SLC24A2: variants seen among roughly 807,000 people sequenced by gnomAD.
SLC24A2 encodes solute carrier family 24 member 2, also known as sodium/potassium/calcium exchanger 2.
Under a neutral mutation model 62.0 loss-of-function variants are expected in SLC24A2, and 36 were observed. The ratio of observed to expected loss-of-function variants is 0.58; its 90% CI spans 0.44 to 0.77. The LOEUF (loss-of-function observed/expected upper bound fraction) is 0.77. Among genes scored for constraint, SLC24A2 ranks in the 30% least tolerant of loss-of-function variants. SLC24A2 has a pLI of 0.00. For synonymous variants in SLC24A2, 358 were observed against 294.0 expected (o/e 1.22, Z -2.23); for missense variants, 846 against 817.9 (o/e 1.03, Z -0.42).
intron 10 of SLC24A2, among the ~76,000 whole-genome samples, chr9:19,517,070 T>G (rs1832967984): frequency 6.6e-6 from 1 of 152,246 alleles, no homozygotes; most frequent in East Asian, 1.9e-4. Flanking sequence ...TTTTTATACC[T>G]GTTTTCTCCC....
At chr9:20,157,012 T>A in the SLC24A2 span, among the ~76,000 whole-genome samples, 3 of 151,796 alleles carry the variant, frequency 2.0e-5, no homozygotes, top group South Asian at 6.2e-4. Context: ...AAAGCCACAA[T>A]AACTTTGAGC....
intron 2 of SLC24A2, among the ~76,000 whole-genome samples, chr9:19,666,817 TG>T (rs1263640185): frequency 6.6e-6 from 1 of 152,214 alleles, no homozygotes; most frequent in Non-Finnish European, 1.5e-5. Context: ...TGATTTCAGA[TG>T]GTAAACTGCT....
Position 19,730,390 on chromosome 9 carries a change from G to A in SLC24A2, c.930+55547C>T, listed in dbSNP as rs148867204. Among the ~76,000 whole-genome samples, 43 of 152,064 alleles carry A rather than the reference G, an allele frequency of 2.8e-4. 1 individual carries two copies. The East Asian group carries it at 6.6e-3, about 23-fold the overall frequency. The stretch of plus-strand genomic sequence containing the variant: ...CATAAATATATGATAATTATTTAAC[G>A]TATATATTTATCTGTCCATGTATAC... On this transcript the variant is annotated intron_variant, in intron 2 of 10. Coordinates refer to ENST00000341998, the MANE Select transcript of SLC24A2 (RefSeq NM_020344.4).
chr9:20,071,663 G>T, the SLC24A2 span, among the ~76,000 whole-genome samples: 1 of 152,112 alleles, frequency 6.6e-6, no homozygotes, highest in Non-Finnish European at 1.5e-5. Context: ...CAACACAGAA[G>T]ACGACTAGAG....
At chr9:19,700,324 C>A in intron 2 of SLC24A2, among the ~76,000 whole-genome samples, 1 of 152,094 alleles carries the variant, frequency 6.6e-6, no homozygotes, top group Non-Finnish European at 1.5e-5. Flanking sequence ...TAGCTTTCTT[C>A]CTTTCTTAGG....
intron 2 of SLC24A2, among the ~76,000 whole-genome samples, chr9:19,757,147 T>C (rs1005509110): frequency 1.8e-4 from 28 of 152,114 alleles, no homozygotes; most frequent in Non-Finnish European, 4.4e-5. Context: ...CAACTCACAA[T>C]TGAAACAACT....
chr9:19,511,103 A>G lies in SLC24A2; in HGVS notation c.*5050T>C, dbSNP rs1241750507. The stretch of plus-strand genomic sequence containing the variant: ...GTGCCTGTGATTTCTACAGACGACT[A>G]CATGCTCCGGGTGATTACATGCCAC... On this transcript the variant is annotated 3_prime_UTR_variant, in exon 11 of 11. Transcript: ENST00000341998. The G allele has an allele frequency of 2.0e-5, 3 of 152,198 alleles. No individual in the cohort carries two copies. Among genetic ancestry groups the G allele is most frequent in the African/African-American group, 4.8e-5 (2 of 41,454 alleles). 9.4% of individuals were successfully genotyped at this position (152,198 alleles called of 1,614,324 possible).
chr9:19,886,609 G>A, the SLC24A2 span, among the ~76,000 whole-genome samples: 1 of 152,208 alleles, frequency 6.6e-6, no homozygotes, highest in Non-Finnish European at 1.5e-5. Flanking sequence ...CCATTGGTGG[G>A]AATGTAAATT....
the SLC24A2 span, among the ~76,000 whole-genome samples, chr9:19,914,554 AG>A: frequency 0.011 from 1,729 of 152,162 alleles, 35 homozygotes; most frequent in African/African-American, 0.04. Context: ...GGCCTGGCAA[AG>A]TCATCTTTTA....
At chr9:19,749,748 C>G (rs10964267) in intron 2 of SLC24A2, among the ~76,000 whole-genome samples, 6,678 of 152,022 alleles carry the variant, frequency 0.044, 165 homozygotes, top group African/African-American at 0.051. Context: ...CGAAACTTAC[C>G]TAGCATCTCA....
the SLC24A2 span, among the ~76,000 whole-genome samples, chr9:19,955,494 A>G: frequency 1.3e-5 from 2 of 151,866 alleles, no homozygotes; most frequent in Non-Finnish European, 2.9e-5. Context: ...TGATAATTTT[A>G]GACTCTAAGA....
chr9:20,191,061 T>C, the SLC24A2 span, among the ~76,000 whole-genome samples: 1 of 152,166 alleles, frequency 6.6e-6, no homozygotes, highest in African/African-American at 2.4e-5. Flanking sequence ...CTTTGAAAGA[T>C]TATTTCCCCT....
the SLC24A2 span, among the ~76,000 whole-genome samples, chr9:20,155,883 T>G: frequency 2.0e-5 from 3 of 151,828 alleles, no homozygotes; most frequent in Non-Finnish European, 4.4e-5. Flanking sequence ...TAAAAATGGA[T>G]GACAAATTAC....
At chr9:19,935,404 C>CA in the SLC24A2 span, among the ~76,000 whole-genome samples, 25 of 122,404 alleles carry the variant, frequency 2.0e-4, no homozygotes, top group Non-Finnish European at 4.8e-4. Flanking sequence ...AATAAACAAA[C>CA]AAAACAAAAA....
the SLC24A2 span, among the ~76,000 whole-genome samples, chr9:20,198,225 A>G: frequency 6.6e-6 from 1 of 152,178 alleles, no homozygotes; most frequent in Non-Finnish European, 1.5e-5. Context: ...GGGGGAAAAA[A>G]GCATGTCACT....
the SLC24A2 span, among the ~76,000 whole-genome samples, chr9:20,211,467 A>C: frequency 2.6e-5 from 4 of 152,258 alleles, no homozygotes; most frequent in Non-Finnish European, 4.4e-5. Flanking sequence ...AGCTGAGATC[A>C]CACCATTGCA....
In SLC24A2 at chr9:19,607,484, C is replaced by A. The variant is rs574285277; in HGVS notation, c.1079-10205G>T. 3.3e-5 allele frequency among the ~76,000 whole-genome samples: 5 copies of A among 152,100 alleles called. No individual in the cohort carries two copies. The East Asian group carries it at 9.7e-4, about 29-fold the overall frequency. ...GTAATCCCAGCACATTGGGAGGAGG[C>A]CAAGGCAGGTGGATAACCTGAGGTC... is the stretch of plus-strand genomic sequence containing the variant. On this transcript the variant is annotated intron_variant, in intron 4 of 10. Transcript: ENST00000341998.
chr9:19,543,728 A>T (rs1834402103), intron 8 of SLC24A2, among the ~76,000 whole-genome samples: 1 of 152,070 alleles, frequency 6.6e-6, no homozygotes, highest in South Asian at 2.1e-4. Context: ...ATTTCCATGT[A>T]GTTGTGCAGT....
the SLC24A2 span, among the ~76,000 whole-genome samples, chr9:19,880,295 T>A: frequency 6.6e-6 from 1 of 152,282 alleles, no homozygotes; most frequent in African/African-American, 2.4e-5. Context: ...TCGGGACTGG[T>A]TGGCATGCAA....
Sources: allele counts gnomAD v4.1 joint callset (sites outside exome capture counted in the v4.1 genomes callset), GRCh38; gene constraint gnomAD v4.1.1; transcripts MANE v1.5; gene names NCBI Gene and HGNC (gene_info 2026-07-23, HGNC 2026-07-21).